Variants in ZNF18 observed in about 807,000 individuals in gnomAD.
ZNF18 encodes the protein zinc finger protein 18, also known as heart development-specific gene 1 protein.
A neutral mutation model predicts 58.1 loss-of-function variants in ZNF18; 42 were observed. The ratio of observed to expected loss-of-function variants is 0.72; its 90% CI spans 0.56 to 0.93. The LOEUF (loss-of-function observed/expected upper bound fraction) is 0.93. Ranked by LOEUF, ZNF18 falls within the 40% of genes least tolerant of loss-of-function variation. The pLI is 0.00. For synonymous variants in ZNF18, 231 were observed against 239.8 expected (o/e 0.96, Z 0.34); for missense variants, 540 against 644.2 (o/e 0.84, Z 1.75).
Position 11,990,397 on chromosome 17 carries a change from A to G in ZNF18, c.666+65T>C, listed in dbSNP as rs116138263. The G allele has an allele frequency of 2.1e-3, 2,851 of 1,376,326 alleles. 42 individuals are homozygous for G. In the African/African-American group the frequency reaches 0.036, roughly 17 times the overall value. The allele number at this position is 1,376,326 out of a possible 1,614,324, so 85.3% of individuals were successfully genotyped here. ...CAGGATGGAGAATGGGGTGAAGAGA[A>G]GCAGGAGGATGAGATTATAAAAGGT... is the stretch of plus-strand genomic sequence containing the variant. On this transcript the variant is annotated intron_variant, in intron 4 of 6. Coordinates refer to ENST00000580306, the MANE Select transcript of ZNF18 (RefSeq NM_001303281.2).
chr17:11,978,571 C>A lies in ZNF18; in HGVS notation c.1036G>T (p.Ala346Ser). ...CCCTCATCCTGAATGTTTTGCAGAG[C>A]CTCAGGGAGATTCTCTCCTTCTCCA... ...CFGEGENLPE[A>S]LQNIQDEGTG... is the part of the protein sequence containing the mutation. The change falls in exon 7 of 7, where the codon GCT (alanine) becomes TCT (serine). Residue 346 changes from alanine (A) to serine (S), a missense_variant. Transcript: ENST00000580306. 1 of 1,614,074 alleles carries A rather than the reference C, an allele frequency of 6.2e-7. No homozygotes were observed. The highest frequency in any genetic ancestry group is 1.1e-5 in the South Asian group (1 of 91,072).
the ZNF18 span, among the ~76,000 whole-genome samples, chr17:12,016,408 C>G: frequency 5.9e-5 from 9 of 152,162 alleles, no homozygotes; most frequent in African/African-American, 9.7e-5. Context: ...TGGCTCACTG[C>G]AACCTCCGCC....
the ZNF18 span, among the ~76,000 whole-genome samples, chr17:12,009,860 A>G: frequency 6.6e-6 from 1 of 152,166 alleles, no homozygotes; most frequent in Admixed American, 6.5e-5. Context: ...AAATACACCA[A>G]ATGATCTATT....
At chr17:11,999,470 A>T (rs1379384474), upstream of ZNF18, among the ~76,000 whole-genome samples, 5 of 152,242 alleles carry the variant, frequency 3.3e-5, no homozygotes, top group South Asian at 6.2e-4. Context: ...AGGAAAAGGC[A>T]TAAACACTTA....
At chr17:12,020,951 G>T in the ZNF18 span, 2 of 1,210,290 alleles carry the variant, frequency 1.7e-6, no homozygotes, top group Non-Finnish European at 2.1e-6. Context: ...GGCACCCCCG[G>T]CCCCGTAGGG....
the ZNF18 span, chr17:12,010,849 C>T: frequency 2.1e-6 from 1 of 479,882 alleles, no homozygotes; most frequent in Non-Finnish European, 3.8e-6. Context: ...CAGTTGAACC[C>T]CAGGTACTTT....
chr17:12,005,452 C>T, the ZNF18 span, among the ~76,000 whole-genome samples: 1 of 152,168 alleles, frequency 6.6e-6, no homozygotes, highest in Non-Finnish European at 1.5e-5. Flanking sequence ...TACTGACTCA[C>T]ATCAGTGACT....
chr17:11,985,310 T>C (rs1030423722), intron 4 of ZNF18, among the ~76,000 whole-genome samples: 13 of 152,162 alleles, frequency 8.5e-5, no homozygotes, highest in African/African-American at 1.2e-4. Flanking sequence ...TCAGATTGTA[T>C]AGCAAAGGGA....
At chr17:11,998,621 G>T (rs962437185), upstream of ZNF18, among the ~76,000 whole-genome samples, 1 of 151,034 alleles carries the variant, frequency 6.6e-6, no homozygotes, top group Non-Finnish European at 1.5e-5. Context: ...AACATGTCCT[G>T]TACCTGTCCC....
the ZNF18 span, among the ~76,000 whole-genome samples, chr17:12,002,873 G>T: frequency 1.3e-5 from 2 of 152,140 alleles, no homozygotes; most frequent in African/African-American, 4.8e-5. Flanking sequence ...CATCAATGGA[G>T]GATATCAGTG....
intron 6 of ZNF18, 96 bp from the exon 7 acceptor site, chr17:11,978,840 C>CTTTTTTTTTTTTTT (rs56969015): frequency 8.5e-6 from 1 of 117,480 alleles, no homozygotes; most frequent in Non-Finnish European, 1.5e-5. Context: ...CATTCATTTT[C>CTTTTTTTTTTTTTT]TTTTTTTTTT....
intron 4 of ZNF18, among the ~76,000 whole-genome samples, chr17:11,985,133 A>G (rs1344751157): frequency 3.3e-5 from 5 of 152,172 alleles, no homozygotes; most frequent in African/African-American, 1.2e-4. Flanking sequence ...CAGATAGTGG[A>G]AAACTGGTAG....
chr17:12,008,249 C>A, the ZNF18 span, among the ~76,000 whole-genome samples: 1 of 152,190 alleles, frequency 6.6e-6, no homozygotes, highest in African/African-American at 2.4e-5. Flanking sequence ...TGGAAACTGG[C>A]AGCATGTATT....
intron 6 of ZNF18, among the ~76,000 whole-genome samples, chr17:11,982,494 A>T (rs1344254610): frequency 1.3e-5 from 2 of 152,216 alleles, no homozygotes; most frequent in Non-Finnish European, 2.9e-5. Flanking sequence ...GTTGTGTAAA[A>T]TTAAAATCAA....
chr17:11,979,129 T>TA (rs58938122), intron 6 of ZNF18, among the ~76,000 whole-genome samples: 35,609 of 145,460 alleles, frequency 0.24, 4,994 homozygotes, highest in Middle Eastern at 0.35. Context: ...ATATGGTAAC[T>TA]AAAAAAAAAA....
chr17:11,993,468 A>G (rs1331656124), intron 1 of ZNF18: 1 of 152,144 alleles, frequency 6.6e-6, no homozygotes, highest in East Asian at 1.9e-4. Flanking sequence ...AAATAGGTCT[A>G]TTTGAGAATT....
At chr17:11,997,987 ACTTCTCCC>A, upstream of ZNF18, among the ~76,000 whole-genome samples, 1 of 151,758 alleles carries the variant, frequency 6.6e-6, no homozygotes, top group Non-Finnish European at 1.5e-5. Flanking sequence ...GTCCTCTCCC[ACTTCTCCC>A]CATTCCGTTG....
intron 4 of ZNF18, among the ~76,000 whole-genome samples, chr17:11,987,922 C>T (rs1967858376): frequency 6.6e-6 from 1 of 152,176 alleles, no homozygotes; most frequent in African/African-American, 2.4e-5. Context: ...AGAGCTGAAG[C>T]TCAGACCCTG....
rs761679323 is a variant in ZNF18, at chr17:11,978,567, A to G, written c.1040T>C (p.Leu347Pro). 3 of 1,613,674 alleles carry G rather than the reference A, an allele frequency of 1.9e-6. No individual in the cohort carries two copies. In the East Asian group the frequency reaches 6.7e-5, roughly 36 times the overall value. ...FGEGENLPEA[L>P]QNIQDEGTGE... Reference sequence around the variant, plus strand: ...TGTTCCCTCATCCTGAATGTTTTGCAGAGCCTCAGGGAGATTCTCTCCTTC... The same window carrying G: ...TGTTCCCTCATCCTGAATGTTTTGCGGAGCCTCAGGGAGATTCTCTCCTTC... The change falls in exon 7 of 7, where the codon CTG (leucine) becomes CCG (proline). Residue 347 changes from leucine (L) to proline (P), a missense_variant. Transcript: ENST00000580306.
Sources: allele counts gnomAD v4.1 joint callset (sites outside exome capture counted in the v4.1 genomes callset), GRCh38; gene constraint gnomAD v4.1.1; transcripts MANE v1.5; gene names NCBI Gene and HGNC (gene_info 2026-07-23, HGNC 2026-07-21).